Variants in ILKAP observed in about 807,000 individuals in gnomAD.
ILKAP encodes integrin-linked kinase-associated serine/threonine phosphatase 2C.
In ILKAP, 11 loss-of-function variants were observed where a neutral mutation model predicts 49.1. The observed-to-expected ratio is 0.22, with a 90% CI of 0.14 to 0.37. ILKAP has a LOEUF of 0.37. Ranked by LOEUF, ILKAP falls within the 10% of genes least tolerant of loss-of-function variation. The pLI, the probability that ILKAP is intolerant of heterozygous loss-of-function variation, is 1.00. For synonymous variants in ILKAP, 186 were observed against 192.8 expected (o/e 0.96, Z 0.29); for missense variants, 363 against 510.8 (o/e 0.71, Z 2.79).
rs1693534832 is a variant in ILKAP, at chr2:238,177,946, G to A, written c.836+4119C>T. Among the ~76,000 whole-genome samples, 3 of 152,064 alleles carry A rather than the reference G, an allele frequency of 2.0e-5. No homozygotes were observed. In the South Asian group the frequency reaches 6.2e-4, roughly 31 times the overall value. ...TTCACATTCCCACCAGCCATGCACA[G>A]GGGTTCTCATTTTCTCCCTGTAATT... On this transcript the variant is annotated intron_variant, in intron 9 of 11. Coordinates refer to ENST00000254654, the MANE Select transcript of ILKAP (RefSeq NM_030768.3).
chr2:238,194,522 T>G, intron 2 of ILKAP, 191 bp from the exon 3 acceptor site: 1 of 615,492 alleles, frequency 1.6e-6, no homozygotes, highest in South Asian at 2.2e-5. Flanking sequence ...TCAAAGGAAA[T>G]AAAAATCTGC....
intron 1 of ILKAP, among the ~76,000 whole-genome samples, chr2:238,202,632 G>A (rs2106343569): frequency 6.6e-6 from 1 of 152,300 alleles, no homozygotes; most frequent in Non-Finnish European, 1.5e-5. Flanking sequence ...CTGCCCCCAA[G>A]TTAAATTTTG....
chr2:238,176,474 T>A (rs924698751), intron 9 of ILKAP, among the ~76,000 whole-genome samples: 2 of 152,230 alleles, frequency 1.3e-5, no homozygotes, highest in Non-Finnish European at 2.9e-5. Flanking sequence ...CCAATCTGCC[T>A]GTCCCTTGGT....
At position 238,194,873 on chromosome 2, in the gene ILKAP, A is replaced by G. The variant is rs1694280644; in HGVS notation, c.56-3T>C. 1 of 1,611,672 alleles carries G rather than the reference A, an allele frequency of 6.2e-7. No individual in the cohort carries two copies. Among genetic ancestry groups the G allele is most frequent in the East Asian group, 2.2e-5 (1 of 44,878 alleles). ...GGGTCCTTTCTGAGCTTCTTTCCCT[A>G]AAACACAGAAAACCTGTTTAGAGAG... On this transcript the variant is annotated splice_polypyrimidine_tract_variant and splice_region_variant and intron_variant, in intron 1 of 11. Transcript: ENST00000254654.
intron 1 of ILKAP, among the ~76,000 whole-genome samples, chr2:238,198,543 C>T (rs1694440310): frequency 6.6e-6 from 1 of 152,176 alleles, no homozygotes. Context: ...CAGGCCCTTA[C>T]ATTCTATTTT....
intron 9 of ILKAP, 121 bp downstream of exon 9, chr2:238,181,944 G>T: frequency 9.4e-7 from 1 of 1,061,748 alleles, no homozygotes; most frequent in Non-Finnish European, 1.4e-6. Flanking sequence ...TTAGATCTCA[G>T]ACAGAGCCTC....
rs1693803845 is a variant in ILKAP at position 238,184,064 on chromosome 2, A to C, written c.582T>G (p.Thr194=). 3 of 1,611,844 alleles carry C rather than the reference A, an allele frequency of 1.9e-6. No homozygotes were observed. Among genetic ancestry groups the C allele is most frequent in the South Asian group, 2.2e-5 (2 of 91,056 alleles). The change falls in exon 7 of 12, where the codon ACT becomes ACG. Residue 194 remains threonine (T), a synonymous_variant. Transcript: ENST00000254654. ...EKTVKRCLLD[T]FKHTDEEFLK... ...GGAACTCTTCATCAGTATGCTTGAA[A>C]GTGTCCAAAAGGCATCTCTTCACGG...
chr2:238,201,518 C>T (rs1246122759), intron 1 of ILKAP, among the ~76,000 whole-genome samples: 1 of 152,236 alleles, frequency 6.6e-6, no homozygotes, highest in Non-Finnish European at 1.5e-5. Flanking sequence ...TGCACCCCCT[C>T]TGCCACCCTT....
At chr2:238,177,156 A>C (rs57971959) in intron 9 of ILKAP, among the ~76,000 whole-genome samples, 2,769 of 152,350 alleles carry the variant, frequency 0.018, 103 homozygotes, top group African/African-American at 0.063. Flanking sequence ...AGTAGAAAAA[A>C]ATAATGCACA....
chr2:238,183,599 C>T lies in ILKAP; in HGVS notation c.714+54G>A, dbSNP rs1282168380. The T allele has an allele frequency of 2.4e-6, 3 of 1,272,102 alleles. No homozygotes were observed. In the East Asian group the frequency reaches 7.0e-5, roughly 29 times the overall value. The allele number at this position is 1,272,102 out of a possible 1,614,324, so 78.8% of individuals were successfully genotyped here. ...TTATTCAACAAGTACGTGCTAAAGT[C>T]TTTTCCCCATAAAACGTATTGTCAT... On this transcript the variant is annotated intron_variant, in intron 8 of 11. Coordinates refer to ENST00000254654, the MANE Select transcript of ILKAP (RefSeq NM_030768.3).
At chr2:238,189,736 T>C in intron 4 of ILKAP, 117 bp downstream of exon 4, 2 of 946,026 alleles carry the variant, frequency 2.1e-6, no homozygotes, top group East Asian at 2.6e-5. Flanking sequence ...GGAACCCTAC[T>C]TATTTCTTAA....
chr2:238,194,665 G>A (rs1057039706), intron 2 of ILKAP, 140 bp downstream of exon 2: 2 of 828,730 alleles, frequency 2.4e-6, no homozygotes, highest in African/African-American at 3.4e-5. Flanking sequence ...CTGATGCCAT[G>A]GATTCAAAAC....
chr2:238,199,096 T>C (rs927621684), intron 1 of ILKAP, among the ~76,000 whole-genome samples: 2 of 152,142 alleles, frequency 1.3e-5, no homozygotes, highest in African/African-American at 2.4e-5. Context: ...ACTCCACATA[T>C]AGTGTTCACA....
chr2:238,197,049 A>G (rs1694372364), intron 1 of ILKAP, among the ~76,000 whole-genome samples: 1 of 152,188 alleles, frequency 6.6e-6, no homozygotes, highest in African/African-American at 2.4e-5. Flanking sequence ...TACAAAAATT[A>G]GCTAGGCATG....
chr2:238,189,767 T>A, intron 4 of ILKAP, 86 bp downstream of exon 4: 1 of 1,253,908 alleles, frequency 8.0e-7, no homozygotes, highest in Non-Finnish European at 1.1e-6. Flanking sequence ...AAAAAGAAAG[T>A]ATTATTAGAA....
intron 2 of ILKAP, 56 bp downstream of exon 2, chr2:238,194,749 A>T: frequency 6.6e-7 from 1 of 1,508,786 alleles, no homozygotes; most frequent in Non-Finnish European, 9.2e-7. Context: ...AGACAACTAC[A>T]ATCCCAGGAT....
In ILKAP at chr2:238,184,002, T is replaced by C; in HGVS notation, c.626+18A>G. ...CCACACACAGTCCACTCAAACTTCA[T>C]CATCAAGTTATACTTACTGGCTGGA... On this transcript the variant is annotated intron_variant, in intron 7 of 11. Transcript: ENST00000254654. The C allele has an allele frequency of 6.7e-7, 1 of 1,488,204 alleles. No individual in the cohort carries two copies. Among genetic ancestry groups the C allele is most frequent in the Non-Finnish European group, 9.4e-7 (1 of 1,065,458 alleles). 92.2% of individuals were successfully genotyped at this position (1,488,204 alleles called of 1,614,324 possible). A position where few individuals can be genotyped will look rare whatever the true frequency, so the allele number is the denominator to read the frequency against.
intron 3 of ILKAP, among the ~76,000 whole-genome samples, chr2:238,192,047 C>T (rs1694149149): frequency 1.1e-5 from 1 of 89,956 alleles, no homozygotes; most frequent in African/African-American, 3.6e-5. Flanking sequence ...CCCGTCTCTA[C>T]TGAAAATACA....
chr2:238,183,660 T>C lies in ILKAP; in HGVS notation c.707A>G (p.Asp236Gly). The change falls in exon 8 of 12, where the codon GAT becomes GGT. Residue 236 changes from aspartate (D) to glycine (G), a missense_variant. By Grantham distance (94) the Asp-to-Gly change is moderately conservative (BLOSUM62 -1). Coordinates refer to ENST00000254654, the MANE Select transcript of ILKAP (RefSeq NM_030768.3). ...GGCTCCAGAGCCACATACCCGACTA[T>C]CTCCGAGGTTGGCAATATAAAGAAT... ...DNILYIANLG[D>G]SRAILCRYNE... The C allele has an allele frequency of 6.2e-7, 1 of 1,612,278 alleles. No individual in the cohort carries two copies. The highest frequency in any genetic ancestry group is 8.5e-7 in the Non-Finnish European group (1 of 1,179,146).
Sources: gnomAD v4.1 joint callset for allele counts (sites outside exome capture counted in the v4.1 genomes callset) on GRCh38, gnomAD v4.1.1 for gene constraint, MANE v1.5 for transcripts, NCBI Gene and HGNC (gene_info 2026-07-23, HGNC 2026-07-21) for gene names.